CFAP251: variants seen among roughly 807,000 people sequenced by gnomAD.
CFAP251 encodes the protein cilia and flagella associated protein 251.
Under a neutral mutation model 126.7 loss-of-function variants are expected in CFAP251, and 93 were observed. That is an observed-to-expected ratio of 0.73 (90% CI 0.62 to 0.87). The LOEUF (loss-of-function observed/expected upper bound fraction) is 0.87, where lower values mean the gene tolerates loss of function less well. CFAP251 is among the 40% of genes least tolerant of loss of function. CFAP251 has a pLI of 0.00. For missense variants in CFAP251, 1,287 were observed against 1,389.2 expected, an observed-to-expected ratio of 0.93 and a Z score of 1.17; for synonymous variants, 503 against 506.9, an observed-to-expected ratio of 0.99 and a Z score of 0.10.
intron 5 of CFAP251, among the ~76,000 whole-genome samples, chr12:121,939,948 T>C (rs2135760658): frequency 6.6e-6 from 1 of 152,340 alleles, no homozygotes; most frequent in Admixed American, 6.5e-5. Context: ...AGATTTAGTT[T>C]CTTTACGTTT....
At chr12:122,001,638 C>A in intron 21 of CFAP251, 40 bp downstream of exon 21, 1 of 1,522,990 alleles carries the variant, frequency 6.6e-7, no homozygotes, top group Non-Finnish European at 9.1e-7. Flanking sequence ...AGCTGTGGCT[C>A]ACTGATTTGT....
chr12:121,982,926 A>G (rs1233408510), intron 19 of CFAP251, among the ~76,000 whole-genome samples: 3 of 151,330 alleles, frequency 2.0e-5, no homozygotes, highest in Non-Finnish European at 4.4e-5. Flanking sequence ...ACATAGCGAG[A>G]CCCCGATCTC....
chr12:121,919,081 T>G (rs1880043157), intron 1 of CFAP251, among the ~76,000 whole-genome samples: 1 of 151,946 alleles, frequency 6.6e-6, no homozygotes, highest in African/African-American at 2.4e-5. Context: ...AATAAGTCAC[T>G]TCACCTCTCA....
In CFAP251 at chr12:121,923,906, A is replaced by G; in HGVS notation, c.663A>G (p.Ala221=). ...ERRVSDIQSK[A]GISRESLVSS... ...GAGTATCCGACATCCAGTCCAAAGC[A>G]GGGATCTCCCGGGAGTCACTGGTGT... The change falls in exon 3 of 22, where the codon GCA becomes GCG. Residue 221 remains alanine, a synonymous_variant. Coordinates refer to ENST00000288912, the MANE Select transcript of CFAP251 (RefSeq NM_144668.6). 1 of 1,614,174 alleles carries G rather than the reference A, an allele frequency of 6.2e-7. No individual in the cohort carries two copies. Among genetic ancestry groups the G allele is most frequent in the Non-Finnish European group, 8.5e-7 (1 of 1,180,028 alleles).
At chr12:121,996,444 A>C (rs1201629460) in intron 19 of CFAP251, among the ~76,000 whole-genome samples, 3 of 152,198 alleles carry the variant, frequency 2.0e-5, no homozygotes, top group African/African-American at 7.2e-5. Flanking sequence ...AATACTGCAC[A>C]GAGAGAGGCT....
intron 10 of CFAP251, chr12:121,955,824 A>G (rs58026220): frequency 1.3e-5 from 2 of 152,168 alleles, no homozygotes; most frequent in Non-Finnish European, 2.9e-5. Context: ...GTTGGGGTTT[A>G]GGATCCAGTG....
At chr12:121,944,720 T>C (rs1264456110) in intron 7 of CFAP251, among the ~76,000 whole-genome samples, 1 of 152,198 alleles carries the variant, frequency 6.6e-6, no homozygotes, top group Non-Finnish European at 1.5e-5. Context: ...AATTTTTGTG[T>C]GTTGATTTTG....
At position 121,957,057 on chromosome 12, in the gene CFAP251, G is replaced by A. The variant is rs1317017867; in HGVS notation, c.1536-17G>A. 4 of 1,562,302 alleles carry A rather than the reference G, an allele frequency of 2.6e-6. No homozygotes were observed. Among genetic ancestry groups the A allele is most frequent in the South Asian group, 1.2e-5 (1 of 82,616 alleles). On this transcript the variant is annotated splice_polypyrimidine_tract_variant and intron_variant, in intron 10 of 21. Coordinates refer to ENST00000288912, the MANE Select transcript of CFAP251 (RefSeq NM_144668.6). ...TATTATTGCTATTTGCAAAACTGAT[G>A]TTATTCTCCATTTCAGCTACATTGT...
At chr12:121,968,282 G>T (rs908311154) in intron 17 of CFAP251, 113 bp downstream of exon 17, 2 of 1,105,280 alleles carry the variant, frequency 1.8e-6, no homozygotes, top group Non-Finnish European at 2.5e-6. Context: ...ATGTCACAGG[G>T]CCTGGCCTTC....
chr12:121,954,542 G>C (rs1881647326), intron 10 of CFAP251, among the ~76,000 whole-genome samples: 1 of 144,414 alleles, frequency 6.9e-6, no homozygotes, highest in Non-Finnish European at 1.5e-5. Flanking sequence ...AGAGAGAGAT[G>C]GGAGGATTGC....
At chr12:121,968,242 A>T in intron 17 of CFAP251, 73 bp downstream of exon 17, 1 of 1,449,772 alleles carries the variant, frequency 6.9e-7, no homozygotes, top group Non-Finnish European at 9.3e-7. Flanking sequence ...TAGACACTGA[A>T]CCCTACTGCG....
At chr12:121,982,851 C>CATAT (rs1411100589) in intron 19 of CFAP251, among the ~76,000 whole-genome samples, 1 of 152,094 alleles carries the variant, frequency 6.6e-6, no homozygotes, top group Non-Finnish European at 1.5e-5. Context: ...CCTGGAGTCC[C>CATAT]GGCTGCTTGA....
At chr12:121,981,185 T>C (rs1882611391) in intron 19 of CFAP251, among the ~76,000 whole-genome samples, 1 of 152,104 alleles carries the variant, frequency 6.6e-6, no homozygotes, top group African/African-American at 2.4e-5. Context: ...AATGAACTCT[T>C]GGCCAGTCAC....
At chr12:121,938,352 C>T (rs542404020) in intron 5 of CFAP251, among the ~76,000 whole-genome samples, 1 of 151,850 alleles carries the variant, frequency 6.6e-6, no homozygotes, top group East Asian at 1.9e-4. Context: ...GACAGGGTCT[C>T]GCTCTGTTGC....
chr12:121,966,888 C>G, intron 15 of CFAP251, 67 bp from the exon 16 acceptor site: 1 of 1,513,674 alleles, frequency 6.6e-7, no homozygotes, highest in Non-Finnish European at 9.1e-7. Flanking sequence ...CTGGCCCGAC[C>G]AAAGAATCTT....
At position 121,960,760 on chromosome 12, in the gene CFAP251, T is replaced by C. The variant is rs768938340; in HGVS notation, c.2307+2T>C. The C allele has an allele frequency of 1.9e-6, 3 of 1,611,092 alleles. No individual in the cohort carries two copies. Among genetic ancestry groups the C allele is most frequent in the Non-Finnish European group, 2.5e-6 (3 of 1,178,428 alleles). On this transcript the variant is annotated splice_donor_variant, in intron 14 of 21. Transcript: ENST00000288912. LOFTEE classifies it high-confidence loss of function. ...AGCCTTGGGACAGACAGGCTCTTGG[T>C]GAGCTGTTTAGTTTTCGTTGACCTG...
At chr12:121,987,974 TTTA>T (rs1053079541) in intron 19 of CFAP251, among the ~76,000 whole-genome samples, 20 of 152,136 alleles carry the variant, frequency 1.3e-4, no homozygotes, top group Admixed American at 1.1e-3. Flanking sequence ...TTCAGGGCAT[TTTA>T]TTATTATTTT....
At chr12:121,958,641 A>AG in intron 12 of CFAP251, 119 bp downstream of exon 12, 1 of 1,473,656 alleles carries the variant, frequency 6.8e-7, no homozygotes, top group Non-Finnish European at 9.2e-7. Flanking sequence ...AGCAGGCTGG[A>AG]TGAGGCGCCT....
Position 121,989,288 on chromosome 12 carries a change from A to C in CFAP251, c.3007-10428A>C, listed in dbSNP as rs143532663. 5.3e-5 allele frequency among the ~76,000 whole-genome samples: 8 copies of C among 152,324 alleles called. No individual in the cohort carries two copies. Among genetic ancestry groups the C allele is most frequent in the Admixed American group, 2.0e-4 (3 of 15,298 alleles). On this transcript the variant is annotated intron_variant, in intron 19 of 21. Transcript: ENST00000288912. The surrounding 1 kb of genome is among the most constrained non-coding windows in gnomAD (Gnocchi z 4.2). ...CAGGGCAGGGTGACAGTCACTCTAAAGGGCCCTGTGAATGGGTGTTGTTCA... is the reference window on the plus strand; with the variant it reads ...CAGGGCAGGGTGACAGTCACTCTAACGGGCCCTGTGAATGGGTGTTGTTCA...
Sources: gnomAD v4.1 joint callset for allele counts (sites outside exome capture counted in the v4.1 genomes callset) on GRCh38, gnomAD v4.1.1 for gene constraint, Gnocchi (gnomAD v3.1) non-coding constraint, MANE v1.5 for transcripts, NCBI Gene and HGNC (gene_info 2026-07-23, HGNC 2026-07-21) for gene names.